DCTN2: variants seen among roughly 807,000 people sequenced by gnomAD.
DCTN2 encodes 50 kDa dynein-associated polypeptide.
Under a neutral mutation model 55.4 loss-of-function variants are expected in DCTN2, and 18 were observed. The ratio of observed to expected loss-of-function variants is 0.32; its 90% CI spans 0.22 to 0.48. The LOEUF is 0.48. Ranked by LOEUF, DCTN2 falls within the 20% of genes least tolerant of loss-of-function variation. The probability of loss-of-function intolerance (pLI) is 0.99; values close to 1 mark genes in which losing one functional copy is unlikely to be tolerated. For synonymous variants in DCTN2, 168 were observed against 185.2 expected (o/e 0.91, Z 0.76); for missense variants, 390 against 491.0 (o/e 0.79, Z 1.94).
intron 13 of DCTN2, among the ~76,000 whole-genome samples, chr12:57,531,127 C>T (rs1048234222): frequency 2.6e-5 from 4 of 152,092 alleles, no homozygotes; most frequent in African/African-American, 4.8e-5. Context: ...TATTCTAAGT[C>T]CTTTATATAT....
At chr12:57,535,277 G>T in intron 4 of DCTN2, 123 bp from the exon 5 acceptor site, 1 of 986,786 alleles carries the variant, frequency 1.0e-6, no homozygotes, top group Admixed American at 2.5e-5. Context: ...CAACACCCTA[G>T]TACCAAAGAA....
chr12:57,534,312 G>T lies in DCTN2; in HGVS notation c.504C>A (p.Asp168Glu), dbSNP rs371595401. The change falls in exon 6 of 14, where the codon GAC becomes GAA. Residue 168 changes from aspartate (D) to glutamate (E), a missense_variant. Transcript: ENST00000548249. ...LGPDAAINLTDPDGALAKRLL... is the reference protein window; with the variant it reads ...LGPDAAINLTEPDGALAKRLL... Reference sequence around the variant, plus strand: ...CCCACTTAGCCAGGGCGCCATCGGGGTCGGTAAGGTTGATTGCAGCATCTG... The same window carrying T: ...CCCACTTAGCCAGGGCGCCATCGGGTTCGGTAAGGTTGATTGCAGCATCTG... 1 of 1,596,350 alleles carries T rather than the reference G, an allele frequency of 6.3e-7. No individual in the cohort carries two copies. The highest frequency in any genetic ancestry group is 8.6e-7 in the Non-Finnish European group (1 of 1,167,562).
At chr12:57,544,034 T>C in intron 2 of DCTN2, 1 of 423,514 alleles carries the variant, frequency 2.4e-6, no homozygotes, top group Non-Finnish European at 4.8e-6. Flanking sequence ...TTTTTTTGTT[T>C]AGAAAGAGGA....
chr12:57,532,713 A>T lies in DCTN2; in HGVS notation c.852+20T>A. ...AGAGTCCCAAGCTATCCATAATTTA[A>T]TTTTCCCTCCATTTAATACCTGTAG... On this transcript the variant is annotated intron_variant, in intron 10 of 13. Coordinates refer to ENST00000548249, the MANE Select transcript of DCTN2 (RefSeq NM_001261413.2). 6.2e-7 allele frequency: 1 copy of T among 1,613,740 alleles called. No homozygotes were observed. Among genetic ancestry groups the T allele is most frequent in the Non-Finnish European group, 8.5e-7 (1 of 1,179,822 alleles).
At chr12:57,543,649 A>G in intron 2 of DCTN2, 1 of 530,282 alleles carries the variant, frequency 1.9e-6, no homozygotes, top group Non-Finnish European at 2.4e-6. Context: ...ATTAGCTGAC[A>G]TCAGGAAACA....
chr12:57,543,714 C>A, intron 2 of DCTN2: 1 of 965,470 alleles, frequency 1.0e-6, no homozygotes, highest in South Asian at 4.8e-5. Context: ...CCATTCCTCC[C>A]TAGTGACAGA....
At chr12:57,539,573 C>T (rs1420015769) in intron 2 of DCTN2, among the ~76,000 whole-genome samples, 1 of 152,188 alleles carries the variant, frequency 6.6e-6, no homozygotes, top group Non-Finnish European at 1.5e-5. Flanking sequence ...TCCTGCCTTT[C>T]TAGGAGCTCT....
At chr12:57,546,967 T>TG in intron 1 of DCTN2, 61 bp downstream of exon 1, 19 of 1,207,978 alleles carry the variant, frequency 1.6e-5, no homozygotes, top group Non-Finnish European at 1.8e-5. Flanking sequence ...TGGTTTCTGC[T>TG]GGGGGTCCTT....
chr12:57,534,973 C>A, intron 5 of DCTN2, 83 bp downstream of exon 5: 1 of 1,231,308 alleles, frequency 8.1e-7, no homozygotes, highest in Non-Finnish European at 1.2e-6. Flanking sequence ...CCCAGCCAGG[C>A]AGGGAATCTT....
At chr12:57,533,922 G>C (rs753337704) in intron 7 of DCTN2, 31 bp downstream of exon 7, 1 of 1,565,606 alleles carries the variant, frequency 6.4e-7, no homozygotes, top group African/African-American at 1.4e-5. Flanking sequence ...TCTCCCCTTG[G>C]CTTCCCAACC....
intron 2 of DCTN2, among the ~76,000 whole-genome samples, chr12:57,540,926 C>G (rs1256975700): frequency 1.3e-5 from 2 of 152,220 alleles, no homozygotes; most frequent in African/African-American, 4.8e-5. Flanking sequence ...AATCCACATA[C>G]AGCCAAGAAC....
In DCTN2 at chr12:57,534,395, G is replaced by C. The variant is rs373726769; in HGVS notation, c.421C>G (p.Gln141Glu). The change falls in exon 6 of 14, where the codon CAG (glutamine) becomes GAG (glutamate). Residue 141 changes from glutamine (Q) to glutamate (E), a missense_variant. By Grantham distance (29) the Gln-to-Glu change is conservative. Around this residue, in one of 2 missense-constraint regions of DCTN2, gnomAD observed 117 missense variants for 187.8 expected, o/e 0.62. Coordinates refer to ENST00000548249, the MANE Select transcript of DCTN2 (RefSeq NM_001261413.2). ...EKLTPVLLAK[Q>E]LAALKQQLVA... ...AGCTGCTGCTTCAGGGCTGCCAGCT[G>C]TTTAGCCAGCAACACAGGGGTCAGC... 5.6e-6 allele frequency: 9 copies of C among 1,612,682 alleles called. No individual in the cohort carries two copies. In the African/African-American group the frequency reaches 1.2e-4, roughly 21 times the overall value.
chr12:57,541,035 G>A (rs1458063019), intron 2 of DCTN2, among the ~76,000 whole-genome samples: 1 of 152,156 alleles, frequency 6.6e-6, no homozygotes, highest in Non-Finnish European at 1.5e-5. Flanking sequence ...AGTCTGAGGA[G>A]GAGAAAGGAA....
Position 57,547,146 on chromosome 12 carries a change from TC to T in DCTN2, c.-84del, listed in dbSNP as rs1881248318. 1 of 1,180,056 alleles carries T rather than the reference TC, an allele frequency of 8.5e-7. No individual in the cohort carries two copies. Among genetic ancestry groups the T allele is most frequent in the Non-Finnish European group, 1.1e-6 (1 of 927,554 alleles). 73.1% of individuals were successfully genotyped at this position (1,180,056 alleles called of 1,614,324 possible). On this transcript the variant is annotated 5_prime_UTR_variant, in exon 1 of 14. Transcript: ENST00000548249. ...GGGTAGGGGAGAGGCTGGGTTCGGG[TC>T]CCGGGCTAAGGCGGCGGCAAAGGGA...
In DCTN2 at chr12:57,530,716, A is replaced by T. The variant is rs1309259852; in HGVS notation, c.1179T>A (p.Asp393Glu). 6.2e-7 allele frequency: 1 copy of T among 1,613,862 alleles called. No individual in the cohort carries two copies. Among genetic ancestry groups the T allele is most frequent in the Non-Finnish European group, 8.5e-7 (1 of 1,179,866 alleles). Reference sequence around the variant, plus strand: ...ACTTTCCCAGCTTCTTCATCCGTTCATCAATGCTGGCAAAGTTCCCCTCAA... The same window carrying T: ...ACTTTCCCAGCTTCTTCATCCGTTCTTCAATGCTGGCAAAGTTCCCCTCAA... Reference protein sequence around the residue: ...ATVEGNFASIDERMKKLGK With the variant: ...ATVEGNFASIEERMKKLGK Residue 393 changes from aspartate (D) to glutamate (E), a missense_variant, in exon 14 of 14, where the codon GAT becomes GAA. Around this residue, in one of 2 missense-constraint regions of DCTN2, gnomAD observed 273 missense variants for 303.2 expected, o/e 0.90. Coordinates refer to ENST00000548249, the MANE Select transcript of DCTN2 (RefSeq NM_001261413.2).
chr12:57,530,465 C>G lies in DCTN2; in HGVS notation c.*224G>C. 6.2e-6 allele frequency: 3 copies of G among 483,748 alleles called. No homozygotes were observed. Among genetic ancestry groups the G allele is most frequent in the African/African-American group, 3.8e-5 (2 of 52,236 alleles). The allele number at this position is 483,748 out of a possible 1,614,324, so 30.0% of individuals were successfully genotyped here. A position where few individuals can be genotyped will look rare whatever the true frequency, so the allele number is the denominator to read the frequency against. ...TGTGGCTGGGCCCACGTCCTTATCCCCCAGGCCTGAGGGGAGACCACCTTC... is the reference window on the plus strand; with the variant it reads ...TGTGGCTGGGCCCACGTCCTTATCCGCCAGGCCTGAGGGGAGACCACCTTC... On this transcript the variant is annotated 3_prime_UTR_variant, in exon 14 of 14. Transcript: ENST00000548249.
chr12:57,531,279 T>G (rs1173742525), intron 13 of DCTN2, among the ~76,000 whole-genome samples: 1 of 152,040 alleles, frequency 6.6e-6, no homozygotes, highest in Non-Finnish European at 1.5e-5. Context: ...CTCAGCACTT[T>G]GGGAGGCCGA....
chr12:57,543,551 C>T (rs549292640), intron 2 of DCTN2, among the ~76,000 whole-genome samples: 4 of 152,216 alleles, frequency 2.6e-5, no homozygotes, highest in South Asian at 2.1e-4. Flanking sequence ...TGCATATTTA[C>T]GTCAGTATTA....
At chr12:57,545,150 T>C (rs1438010840) in intron 2 of DCTN2, among the ~76,000 whole-genome samples, 1 of 152,230 alleles carries the variant, frequency 6.6e-6, no homozygotes, top group Non-Finnish European at 1.5e-5. Flanking sequence ...CAATGACTCT[T>C]GGACACATCT....
Sources: gnomAD v4.1 joint callset for allele counts (sites outside exome capture counted in the v4.1 genomes callset) on GRCh38, gnomAD v4.1.1 for gene constraint, gnomAD v4.1.1 regional missense constraint, MANE v1.5 for transcripts, NCBI Gene and HGNC (gene_info 2026-07-23, HGNC 2026-07-21) for gene names.